The following MEGF6 variants were observed in gnomAD, a reference collection of about 807,000 sequenced individuals.
The protein encoded by MEGF6 is multiple epidermal growth factor-like domains protein 6.
In MEGF6, 184 loss-of-function variants were observed where a neutral mutation model predicts 207.1. The ratio of observed to expected loss-of-function variants is 0.89; its 90% CI spans 0.79 to 1.00. The LOEUF is 1.00. MEGF6 is among the 50% of genes least tolerant of loss of function. The pLI is 0.00. For synonymous variants in MEGF6, 1,038 were observed against 910.0 expected (o/e 1.14, Z -2.53); for missense variants, 2,282 against 2,202.9 (o/e 1.04, Z -0.72).
chr1:3,598,592 C>T (rs1469817729), intron 2 of MEGF6, among the ~76,000 whole-genome samples: 5 of 152,148 alleles, frequency 3.3e-5, no homozygotes, highest in Non-Finnish European at 7.4e-5. Context: ...AAGGGAATGA[C>T]CCTTGCAGTC....
rs74510287 is a variant in MEGF6, at chr1:3,594,441, A to G, written c.376+897T>C. 0.04 allele frequency among the ~76,000 whole-genome samples: 6,037 copies of G among 152,282 alleles called. 157 individuals are homozygous for G. The highest frequency in any genetic ancestry group is 0.057 in the Non-Finnish European group (3,847 of 68,020). On this transcript the variant is annotated intron_variant, in intron 3 of 36. Coordinates refer to ENST00000356575, the MANE Select transcript of MEGF6 (RefSeq NM_001409.4). This position sits in a 1 kb window ranked among gnomAD's most constrained non-coding sequence, Gnocchi z 4.2. ...AAGACCTTACCTCTAAAAAATAAACATAAAAAGTAACAAAATAAAAATGTG... is the reference window on the plus strand; with the variant it reads ...AAGACCTTACCTCTAAAAAATAAACGTAAAAAGTAACAAAATAAAAATGTG...
At chr1:3,552,422 C>T (rs546481395) in intron 4 of MEGF6, among the ~76,000 whole-genome samples, 18 of 152,366 alleles carry the variant, frequency 1.2e-4, no homozygotes, top group Admixed American at 5.2e-4. Context: ...TAAGACCACG[C>T]GTGGCGGCTC....
At chr1:3,522,922 C>A (rs1641810570) in intron 5 of MEGF6, among the ~76,000 whole-genome samples, 1 of 152,206 alleles carries the variant, frequency 6.6e-6, no homozygotes, top group African/African-American at 2.4e-5. Context: ...CCCAGAAGCC[C>A]CGCAGGGCAG....
At chr1:3,598,724 C>G (rs1198699124) in intron 2 of MEGF6, among the ~76,000 whole-genome samples, 1 of 148,050 alleles carries the variant, frequency 6.8e-6, no homozygotes, top group Non-Finnish European at 1.5e-5. Flanking sequence ...AGCCCCCCCC[C>G]CCCCCCCGGG....
intron 3 of MEGF6, among the ~76,000 whole-genome samples, chr1:3,582,465 T>C (rs1194914696): frequency 1.3e-5 from 2 of 152,182 alleles, no homozygotes; most frequent in Non-Finnish European, 2.9e-5. Flanking sequence ...GTCTCCTCCA[T>C]GACACCAAGG....
rs552756763 is a variant in MEGF6 at position 3,569,584 on chromosome 1, C to G, written c.481+10241G>C. On this transcript the variant is annotated intron_variant, in intron 4 of 36. Coordinates refer to ENST00000356575, the MANE Select transcript of MEGF6 (RefSeq NM_001409.4). ...ACACCCAGCTAGTGGGAAGAGCTGT[C>G]CAAGGAGACCATCCAGGAGACTGGG... Among the ~76,000 whole-genome samples the G allele has an allele frequency of 1.7e-4, 26 of 152,248 alleles. 1 individual carries two copies. Among genetic ancestry groups the G allele is most frequent in the Non-Finnish European group, 3.7e-4 (25 of 68,044 alleles).
At chr1:3,555,671 G>A (rs897844984) in intron 4 of MEGF6, among the ~76,000 whole-genome samples, 6 of 152,172 alleles carry the variant, frequency 3.9e-5, no homozygotes, top group East Asian at 1.9e-4. Context: ...CTGCAGGGCC[G>A]AGAGGAGCCT....
intron 17 of MEGF6, 129 bp from the exon 18 acceptor site, chr1:3,502,050 C>CCCCTCCTCACAT: frequency 2.7e-5 from 1 of 36,942 alleles, no homozygotes; most frequent in Non-Finnish European, 4.3e-5. Flanking sequence ...TGTGCCCCCC[C>CCCCTCCTCACAT]GGCGCCTCCT....
chr1:3,503,313 G>A (rs145092456), intron 17 of MEGF6, among the ~76,000 whole-genome samples: 1 of 152,334 alleles, frequency 6.6e-6, no homozygotes, highest in African/African-American at 2.4e-5. Flanking sequence ...CCACTAACTG[G>A]AGCAGATGAG....
the MEGF6 span, chr1:3,624,476 T>C: frequency 0.072 from 11,035 of 152,320 alleles, 1,336 homozygotes; most frequent in African/African-American, 0.25. Context: ...GAATAAGCCG[T>C]GTGTGAAGAA....
chr1:3,570,111 T>G (rs1360655969), intron 4 of MEGF6, among the ~76,000 whole-genome samples: 2 of 152,326 alleles, frequency 1.3e-5, no homozygotes, highest in East Asian at 3.9e-4. Flanking sequence ...CCAGCTGTCC[T>G]GTCGAGGAGG....
Position 3,559,522 on chromosome 1 carries a change from TAAAAAA to T in MEGF6, c.481+20297_481+20302del, listed in dbSNP as rs59799522. Among the ~76,000 whole-genome samples, 313 of 105,548 alleles carry T rather than the reference TAAAAAA, an allele frequency of 3.0e-3. 2 individuals carry two copies. The highest frequency in any genetic ancestry group is 9.5e-3 in the African/African-American group (279 of 29,428). The allele number at this position is 105,548 out of a possible 152,430, so 69.2% of individuals were successfully genotyped here. ...GGACAAAGAGCTAGACCTTGTCTCTTAAAAAAAAAAAAAAAAAAAAAAAAAGAAGAA... is the reference window on the plus strand; with the variant it reads ...GGACAAAGAGCTAGACCTTGTCTCTTAAAAAAAAAAAAAAAAAAAGAAGAA... On this transcript the variant is annotated intron_variant, in intron 4 of 36. Transcript: ENST00000356575.
chr1:3,586,388 C>T (rs1471274629), intron 3 of MEGF6, among the ~76,000 whole-genome samples: 4 of 152,082 alleles, frequency 2.6e-5, no homozygotes, highest in South Asian at 2.1e-4. Flanking sequence ...TGTGCGTATG[C>T]GTGTGTGTGT....
Position 3,500,376 on chromosome 1 carries a change from T to A in MEGF6, c.2707+257A>T, listed in dbSNP as rs568902120. Among the ~76,000 whole-genome samples, 285 of 152,314 alleles carry A rather than the reference T, an allele frequency of 1.9e-3. 2 individuals are homozygous for A. Among genetic ancestry groups the A allele is most frequent in the African/African-American group, 5.9e-3 (247 of 41,570 alleles). The stretch of plus-strand genomic sequence containing the variant: ...GAGAGGGTGGGACCTTGGTCCAGGC[T>A]GCGAAGCAGAGCAGTGGGGGCTGGG... On this transcript the variant is annotated intron_variant, in intron 21 of 36. Transcript: ENST00000356575.
At chr1:3,507,706 G>A (rs1641166496) in intron 14 of MEGF6, 89 bp downstream of exon 14, 1 of 1,550,286 alleles carries the variant, frequency 6.5e-7, no homozygotes, top group South Asian at 1.1e-5. Flanking sequence ...TGGGAGGAAG[G>A]AGACAAGGAG....
chr1:3,614,202 CT>C (rs1018748972), upstream of MEGF6, among the ~76,000 whole-genome samples: 3 of 152,216 alleles, frequency 2.0e-5, no homozygotes, highest in Admixed American at 6.5e-5. Context: ...AGGCAGGCCC[CT>C]GGGGCTGTCC....
Position 3,505,414 on chromosome 1 carries a change from G to A in MEGF6, c.2053+8C>T. 6.3e-7 allele frequency: 1 copy of A among 1,596,010 alleles called. No homozygotes were observed. The highest frequency in any genetic ancestry group is 8.5e-7 in the Non-Finnish European group (1 of 1,174,382). On this transcript the variant is annotated splice_region_variant and intron_variant, in intron 16 of 36. Transcript: ENST00000356575. The stretch of plus-strand genomic sequence containing the variant: ...CCCCCCGCCCCCAGACCCCATGCCT[G>A]GACTCACCTGCCTGACAGCGCTCGC...
intron 4 of MEGF6, among the ~76,000 whole-genome samples, chr1:3,543,543 C>T (rs1642598357): frequency 6.6e-6 from 1 of 152,234 alleles, no homozygotes; most frequent in Non-Finnish European, 1.5e-5. Context: ...CCATCCCAAA[C>T]ACGCAGAGCT....
chr1:3,588,594 T>G (rs971583331), intron 3 of MEGF6, among the ~76,000 whole-genome samples: 1 of 150,880 alleles, frequency 6.6e-6, no homozygotes, highest in Non-Finnish European at 1.5e-5. Context: ...AAGCTCTGGG[T>G]AGTCGCACTG....
Sources: allele counts gnomAD v4.1 joint callset (sites outside exome capture counted in the v4.1 genomes callset), GRCh38; gene constraint gnomAD v4.1.1; non-coding constraint Gnocchi (gnomAD v3.1); transcripts MANE v1.5; gene names NCBI Gene and HGNC (gene_info 2026-07-23, HGNC 2026-07-21).